SUCLG2: variants seen among roughly 807,000 people sequenced by gnomAD.
The protein encoded by SUCLG2 is succinate-CoA ligase GDP-forming subunit beta.
SUCLG2 carries 42 observed loss-of-function variants against 47.9 expected under a neutral mutation model. The ratio of observed to expected loss-of-function variants is 0.88; its 90% CI spans 0.69 to 1.14. The LOEUF is 1.14. Ranked by LOEUF, SUCLG2 falls within the 50% of genes most tolerant of loss-of-function variation. SUCLG2 has a pLI of 0.00. For synonymous variants in SUCLG2, 195 were observed against 197.3 expected, an observed-to-expected ratio of 0.99 and a Z score of 0.10; for missense variants, 571 against 525.9, an observed-to-expected ratio of 1.09 and a Z score of -0.84.
At chr3:67,635,788 G>T (rs1056453750) in intron 1 of SUCLG2, among the ~76,000 whole-genome samples, 20 of 152,226 alleles carry the variant, frequency 1.3e-4, no homozygotes, top group African/African-American at 4.6e-4. Context: ...GGAAGTAAAA[G>T]CTGGAAGTAA....
At chr3:67,635,754 C>T (rs1700999576) in intron 1 of SUCLG2, among the ~76,000 whole-genome samples, 1 of 152,092 alleles carries the variant, frequency 6.6e-6, no homozygotes, top group South Asian at 2.1e-4. Context: ...CACCATTGCA[C>T]CCTGTCATCA....
intron 9 of SUCLG2, among the ~76,000 whole-genome samples, chr3:67,481,160 T>TA (rs1320442623): frequency 2.6e-5 from 4 of 152,216 alleles, no homozygotes; most frequent in African/African-American, 4.8e-5. Flanking sequence ...TGCAAATTAC[T>TA]AAAAAATTGA....
intron 2 of SUCLG2, among the ~76,000 whole-genome samples, chr3:67,608,887 G>A (rs1342342417): frequency 6.6e-6 from 1 of 151,952 alleles, no homozygotes; most frequent in Non-Finnish European, 1.5e-5. Context: ...ATGTTGCCCA[G>A]GCTGGTCTCA....
chr3:67,402,987 T>G (rs1702721468), intron 9 of SUCLG2, among the ~76,000 whole-genome samples: 1 of 152,106 alleles, frequency 6.6e-6, no homozygotes, highest in African/African-American at 2.4e-5. Context: ...CAATTCTACT[T>G]AGTGGGTGAG....
At chr3:67,630,281 C>T (rs946340213) in intron 1 of SUCLG2, among the ~76,000 whole-genome samples, 1 of 152,062 alleles carries the variant, frequency 6.6e-6, no homozygotes, top group South Asian at 2.1e-4. Flanking sequence ...AGGCCTTAAG[C>T]ACAAACAAGG....
chr3:67,435,347 C>T (rs1703592355), intron 9 of SUCLG2, among the ~76,000 whole-genome samples: 1 of 152,124 alleles, frequency 6.6e-6, no homozygotes. Flanking sequence ...TGCAAGGTGG[C>T]TCTGGCTGAA....
intron 10 of SUCLG2, among the ~76,000 whole-genome samples, chr3:67,383,585 C>T (rs191166811): frequency 2.8e-3 from 425 of 152,274 alleles, no homozygotes; most frequent in African/African-American, 9.6e-3. Flanking sequence ...ACCATCACAG[C>T]AGGAGCCCCC....
intron 1 of SUCLG2, among the ~76,000 whole-genome samples, chr3:67,621,342 T>G (rs1480507517): frequency 6.6e-6 from 1 of 152,124 alleles, no homozygotes; most frequent in African/African-American, 2.4e-5. Flanking sequence ...AAAAGAAATC[T>G]AGTATTAGAC....
At chr3:67,639,441 CT>C (rs954884471) in intron 1 of SUCLG2, among the ~76,000 whole-genome samples, 2 of 151,968 alleles carry the variant, frequency 1.3e-5, no homozygotes, top group African/African-American at 4.8e-5. Flanking sequence ...ATGGAAGAGC[CT>C]TGCAGCAGAT....
intron 9 of SUCLG2, among the ~76,000 whole-genome samples, chr3:67,478,231 C>A (rs557649218): frequency 6.6e-6 from 1 of 152,206 alleles, no homozygotes; most frequent in Admixed American, 6.5e-5. Flanking sequence ...ACGGCCACCA[C>A]GGCCACAATT....
At chr3:67,579,900 T>C (rs2107255284) in intron 2 of SUCLG2, among the ~76,000 whole-genome samples, 1 of 151,870 alleles carries the variant, frequency 6.6e-6, no homozygotes, top group African/African-American at 2.4e-5. Flanking sequence ...TATTCTGAGA[T>C]ACATAAACAG....
chr3:67,646,467 C>T (rs1701193876), intron 1 of SUCLG2, among the ~76,000 whole-genome samples: 1 of 152,038 alleles, frequency 6.6e-6, no homozygotes, highest in African/African-American at 2.4e-5. Context: ...TGGTGGTGTA[C>T]ACCTGTAATT....
chr3:67,489,661 C>T (rs2074821607), intron 9 of SUCLG2, among the ~76,000 whole-genome samples: 1 of 152,194 alleles, frequency 6.6e-6, no homozygotes, highest in Non-Finnish European at 1.5e-5. Context: ...AAGAGTTCTA[C>T]TTCCCTACAA....
intron 9 of SUCLG2, among the ~76,000 whole-genome samples, chr3:67,424,152 A>G (rs1703240973): frequency 6.6e-6 from 1 of 152,232 alleles, no homozygotes; most frequent in South Asian, 2.1e-4. Flanking sequence ...TCACTGATAA[A>G]AATAGTTCCA....
intron 2 of SUCLG2, among the ~76,000 whole-genome samples, chr3:67,577,957 T>C (rs998884885): frequency 1.3e-5 from 2 of 152,138 alleles, no homozygotes; most frequent in Non-Finnish European, 2.9e-5. Context: ...GTGTCAAATC[T>C]GAATTTCAAA....
intron 2 of SUCLG2, among the ~76,000 whole-genome samples, chr3:67,588,175 T>C (rs1708072805): frequency 6.6e-6 from 1 of 152,224 alleles, no homozygotes; most frequent in Non-Finnish European, 1.5e-5. Flanking sequence ...CTGGTTACTG[T>C]TGAAGAAACA....
chr3:67,484,905 A>C (rs996575077), intron 9 of SUCLG2, among the ~76,000 whole-genome samples: 4 of 152,218 alleles, frequency 2.6e-5, no homozygotes, highest in Admixed American at 1.3e-4. Context: ...GTGGAATCTT[A>C]AGAGGTTTTT....
intron 7 of SUCLG2, among the ~76,000 whole-genome samples, chr3:67,504,164 C>T (rs1246686396): frequency 2.0e-5 from 3 of 151,884 alleles, no homozygotes; most frequent in Non-Finnish European, 4.4e-5. Context: ...AGTCCCACTT[C>T]CCATTAAATA....
chr3:67,384,295 A>G (rs1484962525), intron 10 of SUCLG2, among the ~76,000 whole-genome samples: 1 of 152,152 alleles, frequency 6.6e-6, no homozygotes, highest in African/African-American at 2.4e-5. Context: ...TAACGTGAGG[A>G]TTTTCCAGAA....
Sources: allele counts gnomAD v4.1 joint callset (sites outside exome capture counted in the v4.1 genomes callset), GRCh38; gene constraint gnomAD v4.1.1; transcripts MANE v1.5; gene names NCBI Gene and HGNC (gene_info 2026-07-23, HGNC 2026-07-21).